PCDHGB1: variants seen among roughly 807,000 people sequenced by gnomAD.
PCDHGB1 encodes the protein protocadherin gamma subfamily B, 1.
A neutral mutation model predicts 56.6 loss-of-function variants in PCDHGB1; 34 were observed. That is an observed-to-expected ratio of 0.60 (90% CI 0.46 to 0.80). The LOEUF (loss-of-function observed/expected upper bound fraction) is 0.80. Among genes scored for constraint, PCDHGB1 ranks in the 30% least tolerant of loss-of-function variants. The pLI, the probability that PCDHGB1 is intolerant of heterozygous loss-of-function variation, is 0.00. For synonymous variants in PCDHGB1, 561 were observed against 505.9 expected, an observed-to-expected ratio of 1.11 and a Z score of -1.46; for missense variants, 1,278 against 1,204.6, an observed-to-expected ratio of 1.06 and a Z score of -0.90.
In PCDHGB1 at chr5:141,393,997, A is replaced by G. The variant is rs375314377; in HGVS notation, c.2409+41328A>G. ...CGTGATAATTTACCTTTTAAATTAG[A>G]AAAGTCAATAGGTAATTATTATAGA... On this transcript the variant is annotated intron_variant, in intron 1 of 3. Coordinates refer to ENST00000523390, the MANE Select transcript of PCDHGB1 (RefSeq NM_018922.3). 7.4e-6 allele frequency: 12 copies of G among 1,613,330 alleles called. 1 individual carries two copies. The African/African-American group carries it at 8.0e-5, about 11-fold the overall frequency.
chr5:141,423,513 G>C, intron 1 of PCDHGB1: 3 of 1,613,750 alleles, frequency 1.9e-6, no homozygotes, highest in Non-Finnish European at 1.7e-6. Flanking sequence ...CTCTCATTGC[G>C]GACTCGCAGA....
Position 141,487,341 on chromosome 5 carries a change from TC to T in PCDHGB1, c.2410-7465del, listed in dbSNP as rs778559139. Reference sequence around the variant, plus strand: ...TGTCTTCGTGGGGCAGCCTGTGGAGTCACATGCTTTCCTGCTGGCACCTGTG... The same window carrying T: ...TGTCTTCGTGGGGCAGCCTGTGGAGTACATGCTTTCCTGCTGGCACCTGTG... On this transcript the variant is annotated intron_variant, in intron 1 of 3. Transcript: ENST00000523390. This position sits in a 1 kb window ranked among gnomAD's most constrained non-coding sequence, Gnocchi z 5.0. 1 of 1,614,012 alleles carries T rather than the reference TC, an allele frequency of 6.2e-7. No homozygotes were observed. The highest frequency in any genetic ancestry group is 1.1e-5 in the South Asian group (1 of 91,074).
intron 1 of PCDHGB1, chr5:141,361,965 G>A (rs1279903156): frequency 2.5e-6 from 4 of 1,602,122 alleles, no homozygotes; most frequent in Admixed American, 3.4e-5. Context: ...ACGTGCTGCA[G>A]GCCAGCGAGC....
At chr5:141,360,479 A>G in intron 1 of PCDHGB1, 2 of 1,613,948 alleles carry the variant, frequency 1.2e-6, no homozygotes, top group Non-Finnish European at 1.7e-6. Flanking sequence ...AATCCACTAA[A>G]TATTTTCTAC....
intron 1 of PCDHGB1, among the ~76,000 whole-genome samples, chr5:141,353,712 A>C (rs893313768): frequency 6.6e-6 from 1 of 152,180 alleles, no homozygotes; most frequent in African/African-American, 2.4e-5. Flanking sequence ...TTGTTTCTTT[A>C]GTGTAGATTT....
chr5:141,375,069 A>G (rs746129890), intron 1 of PCDHGB1: 4 of 1,614,040 alleles, frequency 2.5e-6, no homozygotes, highest in South Asian at 2.2e-5. Context: ...GGTCTTCGAG[A>G]CAGAGCGAAA....
At chr5:141,389,823 G>C in intron 1 of PCDHGB1, 11 of 1,613,944 alleles carry the variant, frequency 6.8e-6, no homozygotes, top group Non-Finnish European at 6.8e-6. Flanking sequence ...CGTGCGTGAC[G>C]GTGGACAGCC....
chr5:141,351,523 C>G lies in PCDHGB1; in HGVS notation c.1263C>G (p.Thr421=). 1 of 1,614,036 alleles carries G rather than the reference C, an allele frequency of 6.2e-7. No individual in the cohort carries two copies. The highest frequency in any genetic ancestry group is 8.5e-7 in the Non-Finnish European group (1 of 1,179,892). The change falls in exon 1 of 4, where the codon ACC becomes ACG. Residue 421 remains threonine, a synonymous_variant. Coordinates refer to ENST00000523390, the MANE Select transcript of PCDHGB1 (RefSeq NM_018922.3). ...ACTACAACGTCACAATCATAGCCAC[C>G]GACAAGGGCAAACCAGCCCTTTCCT... ...TADYNVTIIA[T]DKGKPALSSR... is the part of the protein sequence containing the mutation.
At chr5:141,430,149 C>T (rs1051033560) in intron 1 of PCDHGB1, among the ~76,000 whole-genome samples, 4 of 151,968 alleles carry the variant, frequency 2.6e-5, no homozygotes, top group African/African-American at 9.7e-5. Flanking sequence ...CAGGATCATT[C>T]AAGGAATCTA....
chr5:141,491,714 C>T lies in PCDHGB1; in HGVS notation c.2410-3093C>T, dbSNP rs1321811999. 2 of 1,608,744 alleles carry T rather than the reference C, an allele frequency of 1.2e-6. No individual in the cohort carries two copies. Among genetic ancestry groups the T allele is most frequent in the Non-Finnish European group, 1.7e-6 (2 of 1,177,916 alleles). The stretch of plus-strand genomic sequence containing the variant: ...GAGCGGAGCCAGGTGAGGGGCTCGG[C>T]GCCGCCCCGGGCGACCCCTGGGGGC... On this transcript the variant is annotated intron_variant, in intron 1 of 3. Coordinates refer to ENST00000523390, the MANE Select transcript of PCDHGB1 (RefSeq NM_018922.3). The surrounding 1 kb of genome is among the most constrained non-coding windows in gnomAD (Gnocchi z 6.9).
chr5:141,381,798 C>CTCTTTCTTTCTTTCTTTCTT (rs372235829), intron 1 of PCDHGB1, among the ~76,000 whole-genome samples: 32 of 144,170 alleles, frequency 2.2e-4, no homozygotes, highest in African/African-American at 7.7e-4. Flanking sequence ...AGGCAATTCC[C>CTCTTTCTTTCTTTCTTTCTT]TCTTTCTTTC....
Position 141,489,802 on chromosome 5 carries a change from G to A in PCDHGB1, c.2410-5005G>A, listed in dbSNP as rs2099692541. On this transcript the variant is annotated intron_variant, in intron 1 of 3. Transcript: ENST00000523390. The surrounding 1 kb of genome is among the most constrained non-coding windows in gnomAD (Gnocchi z 4.5). ...TCTGAATGTGAAGACCCTAAAAGAT[G>A]GGAAGCCATTCCCAGAGCTGGTGCT... is the stretch of plus-strand genomic sequence containing the variant. 6.2e-7 allele frequency: 1 copy of A among 1,614,042 alleles called. No homozygotes were observed. The highest frequency in any genetic ancestry group is 1.1e-5 in the South Asian group (1 of 91,088).
chr5:141,489,696 C>T lies in PCDHGB1; in HGVS notation c.2410-5111C>T. On this transcript the variant is annotated intron_variant, in intron 1 of 3. Transcript: ENST00000523390. This position sits in a 1 kb window ranked among gnomAD's most constrained non-coding sequence, Gnocchi z 4.5. ...AATCAGCAGCATCTGGGGCACGATT[C>T]CCACTGGACAGTGCCCAGGATCCGG... 6.2e-7 allele frequency: 1 copy of T among 1,614,170 alleles called. No homozygotes were observed. Among genetic ancestry groups the T allele is most frequent in the Non-Finnish European group, 8.5e-7 (1 of 1,180,002 alleles).
chr5:141,499,404 T>G (rs1468724077), intron 2 of PCDHGB1, among the ~76,000 whole-genome samples: 3 of 152,178 alleles, frequency 2.0e-5, no homozygotes, highest in African/African-American at 7.2e-5. Context: ...ACATGCTCAT[T>G]ATAGAAACAT....
Position 141,418,518 on chromosome 5 carries a change from C to G in PCDHGB1, c.2409+65849C>G. Reference sequence around the variant, plus strand: ...CTGACCGCCTTAGATGGTGGGGACCCTCCCCGAAGCGGTACTGCTCAGATA... The same window carrying G: ...CTGACCGCCTTAGATGGTGGGGACCGTCCCCGAAGCGGTACTGCTCAGATA... On this transcript the variant is annotated intron_variant, in intron 1 of 3. Coordinates refer to ENST00000523390, the MANE Select transcript of PCDHGB1 (RefSeq NM_018922.3). The G allele has an allele frequency of 2.5e-6, 4 of 1,613,986 alleles. 1 individual carries two copies.
intron 2 of PCDHGB1, among the ~76,000 whole-genome samples, chr5:141,498,068 A>G (rs765582921): frequency 6.6e-6 from 1 of 152,244 alleles, no homozygotes; most frequent in Non-Finnish European, 1.5e-5. Context: ...TGAAACTGTC[A>G]TAAGTGCTAG....
At position 141,489,644 on chromosome 5, in the gene PCDHGB1, C is replaced by T. The variant is rs1244782345; in HGVS notation, c.2410-5163C>T. 11 of 1,614,070 alleles carry T rather than the reference C, an allele frequency of 6.8e-6. No individual in the cohort carries two copies. The Admixed American group carries it at 1.8e-4, about 27-fold the overall frequency. ...AATGACAACTCTCCTAGCTTTGCCA[C>T]CCCTGAGCGAGAGATGCGCATCTCA... is the stretch of plus-strand genomic sequence containing the variant. On this transcript the variant is annotated intron_variant, in intron 1 of 3. Coordinates refer to ENST00000523390, the MANE Select transcript of PCDHGB1 (RefSeq NM_018922.3). The surrounding 1 kb of genome is among the most constrained non-coding windows in gnomAD (Gnocchi z 4.5).
intron 1 of PCDHGB1, chr5:141,427,795 C>A: frequency 6.7e-7 from 1 of 1,499,260 alleles, no homozygotes; most frequent in Non-Finnish European, 9.2e-7. Context: ...TCCTACGTGT[C>A]CGTGAGCGCA....
At chr5:141,419,371 C>T (rs751971270) in intron 1 of PCDHGB1, 4 of 1,613,662 alleles carry the variant, frequency 2.5e-6, no homozygotes, top group Non-Finnish European at 8.5e-7. Flanking sequence ...TGTCGTCCTA[C>T]GTGTCCGTGA....
Sources: allele counts gnomAD v4.1 joint callset (sites outside exome capture counted in the v4.1 genomes callset), GRCh38; gene constraint gnomAD v4.1.1; non-coding constraint Gnocchi (gnomAD v3.1); transcripts MANE v1.5; gene names NCBI Gene and HGNC (gene_info 2026-07-23, HGNC 2026-07-21).